The following ZMAT1 variants were observed in gnomAD, a reference collection of about 807,000 sequenced individuals.
ZMAT1 encodes the protein zinc finger matrin-type 1, also known as zinc finger matrin-type protein 1.
In ZMAT1, 11 loss-of-function variants were observed where a neutral mutation model predicts 18.5. That is an observed-to-expected ratio of 0.59 (90% CI 0.37 to 0.98). ZMAT1 has a LOEUF of 0.98. Ranked by LOEUF, ZMAT1 falls within the 50% of genes least tolerant of loss-of-function variation. The pLI is 0.01. For synonymous variants in ZMAT1, 211 were observed against 176.4 expected (o/e 1.20, Z -1.55); for missense variants, 525 against 496.2 (o/e 1.06, Z -0.55).
intron 1 of ZMAT1, among the ~76,000 whole-genome samples, chrX:101,923,665 G>C (rs1267633800): frequency 9.0e-6 from 1 of 111,516 alleles, no homozygotes; most frequent in Non-Finnish European, 1.9e-5. Context: ...AGATCTATGA[G>C]GCATTTCTAT....
intron 1 of ZMAT1, 56 bp from the exon 2 acceptor site, chrX:101,904,386 C>T (rs1392445744): frequency 1.1e-6 from 1 of 884,939 alleles, no homozygotes; most frequent in Non-Finnish European, 1.6e-6. Context: ...TTAGAGGTAT[C>T]ATTTTTCATT....
At chrX:101,910,054 C>T (rs896720251) in intron 1 of ZMAT1, among the ~76,000 whole-genome samples, 1 of 112,600 alleles carries the variant, frequency 8.9e-6, no homozygotes, top group Non-Finnish European at 1.9e-5. Flanking sequence ...AATCCATCCC[C>T]TGATTTAGGT....
chrX:101,905,901 A>C (rs61296664), intron 1 of ZMAT1, among the ~76,000 whole-genome samples: 5,980 of 105,900 alleles, frequency 0.056, 387 homozygotes, highest in African/African-American at 0.19. Flanking sequence ...AAAAAAAAAA[A>C]AAAACAAATA....
In ZMAT1 at chrX:101,897,910, C is replaced by T; in HGVS notation, c.634G>A (p.Glu212Lys). 8.3e-7 allele frequency: 1 copy of T among 1,211,218 alleles called. No homozygotes were observed. The highest frequency in any genetic ancestry group is 1.1e-6 in the Non-Finnish European group (1 of 895,213). ...CCTGATGGAGATGCCTGATCATGTT[C>T]CTCCATTAATTGCTTCAGTTTTTTA... ...HAKKLKQLME[E>K]HDQASPSGFQ... The change falls in exon 4 of 6, where the codon GAA becomes AAA. Residue 212 changes from glutamate (E) to lysine (K), a missense_variant. By Grantham distance (56) the Glu-to-Lys change is moderately conservative (BLOSUM62 1). Transcript: ENST00000651725.
intron 2 of ZMAT1, among the ~76,000 whole-genome samples, chrX:101,904,004 C>T (rs1295994227): frequency 2.7e-5 from 3 of 111,521 alleles, no homozygotes; most frequent in Non-Finnish European, 5.7e-5. Flanking sequence ...GAGAAGAAAA[C>T]AAGCTTTGGA....
intron 1 of ZMAT1, chrX:101,918,479 C>CAA (rs1289335907): frequency 9.4e-6 from 1 of 106,170 alleles, no homozygotes; most frequent in African/African-American, 3.5e-5. Context: ...CACACACACA[C>CAA]ACACAAAAAT....
chrX:101,904,141 A>G (rs1167810058), intron 2 of ZMAT1, 83 bp downstream of exon 2: 23 of 645,959 alleles, frequency 3.6e-5, no homozygotes, highest in Non-Finnish European at 5.3e-5. Flanking sequence ...TCTCATAAGA[A>G]TCAAGTAAGA....
intron 1 of ZMAT1, among the ~76,000 whole-genome samples, chrX:101,922,152 G>A (rs775160912): frequency 3.5e-4 from 39 of 111,260 alleles, no homozygotes; most frequent in Non-Finnish European, 6.2e-4. Flanking sequence ...TTTCCACTGA[G>A]AACAAATTTA....
intron 1 of ZMAT1, among the ~76,000 whole-genome samples, chrX:101,909,506 T>A (rs1928821023): frequency 8.9e-6 from 1 of 111,887 alleles, no homozygotes; most frequent in African/African-American, 3.2e-5. Context: ...TGGACAGCAT[T>A]TCTGGGACTG....
intron 2 of ZMAT1, among the ~76,000 whole-genome samples, chrX:101,899,005 G>T (rs1004019734): frequency 9.1e-6 from 1 of 110,483 alleles, no homozygotes; most frequent in Admixed American, 9.6e-5. Flanking sequence ...CCGAGATTGC[G>T]CCACTGCACT....
intron 5 of ZMAT1, among the ~76,000 whole-genome samples, 164 bp from the exon 6 acceptor site, chrX:101,884,985 T>C (rs1470186880): frequency 8.9e-6 from 1 of 111,919 alleles, no homozygotes; most frequent in African/African-American, 3.2e-5. Context: ...TGAATTTTTA[T>C]GTCAAAAAAG....
At chrX:101,924,267 G>A (rs1929920511) in intron 1 of ZMAT1, among the ~76,000 whole-genome samples, 1 of 111,085 alleles carries the variant, frequency 9.0e-6, no homozygotes, top group Non-Finnish European at 1.9e-5. Flanking sequence ...ATGTACCACT[G>A]TGCCCGGCTA....
At chrX:101,905,202 T>C (rs1325097638) in intron 1 of ZMAT1, among the ~76,000 whole-genome samples, 2 of 112,010 alleles carry the variant, frequency 1.8e-5, no homozygotes, top group Non-Finnish European at 3.8e-5. Flanking sequence ...TCCTTCATCA[T>C]TGTACAAACA....
At chrX:101,921,026 A>G (rs770301658) in intron 1 of ZMAT1, among the ~76,000 whole-genome samples, 105 of 81,325 alleles carry the variant, frequency 1.3e-3, no homozygotes, top group African/African-American at 3.9e-3. Context: ...GAGATTTTTG[A>G]AAAAAAAAAA....
intron 1 of ZMAT1, among the ~76,000 whole-genome samples, chrX:101,922,180 TC>T (rs1929775330): frequency 9.0e-6 from 1 of 111,303 alleles, no homozygotes; most frequent in African/African-American, 3.3e-5. Context: ...GGTGTTGTTT[TC>T]CAGAGGCTAC....
intron 2 of ZMAT1, among the ~76,000 whole-genome samples, chrX:101,899,456 C>T (rs768812173): frequency 1.8e-5 from 2 of 111,432 alleles, no homozygotes; most frequent in Non-Finnish European, 3.8e-5. Context: ...TTCCTCGCCT[C>T]CCTTCCACTC....
intron 2 of ZMAT1, 39 bp from the exon 3 acceptor site, chrX:101,898,259 AAG>A: frequency 2.7e-6 from 3 of 1,112,120 alleles, no homozygotes; most frequent in Non-Finnish European, 3.7e-6. Flanking sequence ...TATTCAATAA[AAG>A]AGTCATTCAA....
chrX:101,911,202 T>C lies in ZMAT1; in HGVS notation c.293-6872A>G, dbSNP rs1603280989. 2.7e-5 allele frequency among the ~76,000 whole-genome samples: 3 copies of C among 111,601 alleles called. No individual in the cohort carries two copies. In the South Asian group the frequency reaches 1.1e-3, roughly 42 times the overall value. ...ATTCAGTGAAAATATCCCTTAAACA[T>C]GAAGGAGAAGTACTTTCCAAGACAA... On this transcript the variant is annotated intron_variant, in intron 1 of 5. Transcript: ENST00000651725.
intron 4 of ZMAT1, among the ~76,000 whole-genome samples, chrX:101,891,164 T>G (rs1927363804): frequency 9.0e-6 from 1 of 111,367 alleles, no homozygotes; most frequent in Non-Finnish European, 1.9e-5. Flanking sequence ...TGGGTCTCAG[T>G]AGGGGTAGAA....
Sources: allele counts gnomAD v4.1 joint callset (sites outside exome capture counted in the v4.1 genomes callset), GRCh38; gene constraint gnomAD v4.1.1; transcripts MANE v1.5; gene names NCBI Gene and HGNC (gene_info 2026-07-23, HGNC 2026-07-21).